The following RIMS2 variants were observed in gnomAD, a reference collection of about 807,000 sequenced individuals.
RIMS2 encodes the protein regulating synaptic membrane exocytosis protein 2.
In RIMS2, 59 loss-of-function variants were observed where a neutral mutation model predicts 174.4. That is an observed-to-expected ratio of 0.34 (90% CI 0.27 to 0.42). RIMS2 has a LOEUF of 0.42. RIMS2 is among the 10% of genes least tolerant of loss of function. The probability of loss-of-function intolerance (pLI) is 1.00; values close to 1 mark genes in which losing one functional copy is unlikely to be tolerated. For missense variants in RIMS2, 1,620 were observed against 1,666.3 expected, an observed-to-expected ratio of 0.97 and a Z score of 0.48; for synonymous variants, 606 against 572.5, an observed-to-expected ratio of 1.06 and a Z score of -0.84.
chr8:104,156,994 C>G lies in RIMS2; in HGVS notation c.3335-87922C>G, dbSNP rs996962790. ...ACATCATCACAAATCTCAAACTAACCCTATAGGATATGGCATGTTAATGTA... is the reference window on the plus strand; with the variant it reads ...ACATCATCACAAATCTCAAACTAACGCTATAGGATATGGCATGTTAATGTA... On this transcript the variant is annotated intron_variant, in intron 19 of 23. Transcript: ENST00000504942. Among the ~76,000 whole-genome samples the G allele has an allele frequency of 1.6e-4, 25 of 152,092 alleles. 1 individual carries two copies. Among genetic ancestry groups the G allele is most frequent in the Admixed American group, 1.3e-3 (20 of 15,260 alleles).
intron 3 of RIMS2, among the ~76,000 whole-genome samples, chr8:103,818,925 C>G (rs1440582759): frequency 6.6e-6 from 1 of 151,840 alleles, no homozygotes; most frequent in Non-Finnish European, 1.5e-5. Context: ...AAGAATATAC[C>G]ACTTATTTTT....
At chr8:103,905,870 T>C (rs2074299515) in intron 4 of RIMS2, among the ~76,000 whole-genome samples, 1 of 151,746 alleles carries the variant, frequency 6.6e-6, no homozygotes, top group Non-Finnish European at 1.5e-5. Flanking sequence ...CATTCCTCTG[T>C]CCTCTCCATT....
intron 14 of RIMS2, among the ~76,000 whole-genome samples, chr8:103,954,199 A>G (rs2086362564): frequency 6.6e-6 from 1 of 152,170 alleles, no homozygotes; most frequent in Admixed American, 6.5e-5. Flanking sequence ...GATCAACGAG[A>G]CAGAAAATTA....
At chr8:103,619,523 T>C (rs1029010839) in intron 1 of RIMS2, among the ~76,000 whole-genome samples, 3 of 151,804 alleles carry the variant, frequency 2.0e-5, no homozygotes, top group Non-Finnish European at 4.4e-5. Flanking sequence ...AAAATCAAAA[T>C]CAAACTTTTA....
intron 19 of RIMS2, among the ~76,000 whole-genome samples, chr8:104,162,837 A>G (rs1409821917): frequency 1.3e-5 from 2 of 152,212 alleles, no homozygotes; most frequent in South Asian, 2.1e-4. Context: ...TAAAATTTAT[A>G]AGTGCCTTAA....
At chr8:103,601,253 G>A (rs2094723028) in intron 1 of RIMS2, among the ~76,000 whole-genome samples, 1 of 152,140 alleles carries the variant, frequency 6.6e-6, no homozygotes, top group South Asian at 2.1e-4. Flanking sequence ...GGTTGCCCAT[G>A]CTTATGGTGC....
chr8:103,872,389 G>A (rs915156592), intron 3 of RIMS2, among the ~76,000 whole-genome samples: 5 of 152,142 alleles, frequency 3.3e-5, no homozygotes, highest in Non-Finnish European at 7.3e-5. Flanking sequence ...ATTTACTAAT[G>A]AGCGTAGATG....
intron 19 of RIMS2, among the ~76,000 whole-genome samples, chr8:104,103,306 T>C (rs1243390353): frequency 6.6e-6 from 1 of 152,176 alleles, no homozygotes; most frequent in African/African-American, 2.4e-5. Flanking sequence ...AAATAGATAG[T>C]GGTGATAGTC....
intron 1 of RIMS2, among the ~76,000 whole-genome samples, chr8:103,615,189 C>G (rs1375294614): frequency 6.6e-6 from 1 of 152,154 alleles, no homozygotes; most frequent in Non-Finnish European, 1.5e-5. Flanking sequence ...AGCACACTGT[C>G]AGACCATAGC....
intron 3 of RIMS2, among the ~76,000 whole-genome samples, chr8:103,866,267 C>T (rs2099083989): frequency 6.6e-6 from 1 of 152,096 alleles, no homozygotes; most frequent in Admixed American, 6.5e-5. Context: ...GATTCTACTT[C>T]CTTTTATAAA....
intron 19 of RIMS2, among the ~76,000 whole-genome samples, chr8:104,101,439 A>G (rs1008516412): frequency 6.6e-6 from 1 of 152,090 alleles, no homozygotes; most frequent in Non-Finnish European, 1.5e-5. Flanking sequence ...TTCTTGGACT[A>G]TATTAATTCT....
At chr8:104,222,577 G>C (rs2099160475) in intron 19 of RIMS2, among the ~76,000 whole-genome samples, 1 of 152,166 alleles carries the variant, frequency 6.6e-6, no homozygotes, top group East Asian at 1.9e-4. Context: ...AAGTAAGGCA[G>C]TCATCTGATT....
At chr8:103,699,350 C>G (rs1427819690) in intron 2 of RIMS2, among the ~76,000 whole-genome samples, 2 of 152,088 alleles carry the variant, frequency 1.3e-5, no homozygotes, top group African/African-American at 4.8e-5. Context: ...CTTTGGCCTC[C>G]CGAGTAGCAG....
intron 3 of RIMS2, among the ~76,000 whole-genome samples, chr8:103,822,505 C>G (rs954013510): frequency 6.6e-6 from 1 of 151,712 alleles, no homozygotes; most frequent in African/African-American, 2.4e-5. Context: ...TGAAATTTAT[C>G]TATGAGTAAT....
At chr8:103,504,846 C>CTTTTTTTTTTTTTTTTTTTTTTTTTTTT (rs11367763) in intron 1 of RIMS2, among the ~76,000 whole-genome samples, 1 of 95,094 alleles carries the variant, frequency 1.1e-5, no homozygotes, top group Non-Finnish European at 2.0e-5. Flanking sequence ...TTCTTTCTTT[C>CTTTTTTTTTTTTTTTTTTTTTTTTTTTT]TTTTTTTTTT....
At chr8:104,011,231 G>C (rs2095752858) in intron 17 of RIMS2, among the ~76,000 whole-genome samples, 1 of 152,114 alleles carries the variant, frequency 6.6e-6, no homozygotes. Flanking sequence ...TGCTGTCAAA[G>C]TTTAAAATGT....
At chr8:103,867,289 T>C (rs529897168) in intron 3 of RIMS2, among the ~76,000 whole-genome samples, 14 of 151,924 alleles carry the variant, frequency 9.2e-5, no homozygotes, top group African/African-American at 2.6e-4. Context: ...ATAAGCAAAA[T>C]TGAAAATTCG....
intron 12 of RIMS2, among the ~76,000 whole-genome samples, chr8:103,935,966 T>C (rs1369441221): frequency 3.3e-5 from 5 of 152,336 alleles, no homozygotes; most frequent in Admixed American, 1.3e-4. Context: ...TCAACCCACA[T>C]TGTGGTGACT....
chr8:103,973,841 A>G (rs1319601037), intron 15 of RIMS2, among the ~76,000 whole-genome samples: 1 of 152,194 alleles, frequency 6.6e-6, no homozygotes, highest in Admixed American at 6.5e-5. Flanking sequence ...CCTCTTTACC[A>G]GCTGGTTTAC....
Sources: allele counts gnomAD v4.1 joint callset (sites outside exome capture counted in the v4.1 genomes callset), GRCh38; gene constraint gnomAD v4.1.1; transcripts MANE v1.5; gene names NCBI Gene and HGNC (gene_info 2026-07-23, HGNC 2026-07-21).